NRXN3: variants seen among roughly 807,000 people sequenced by gnomAD.
The protein encoded by NRXN3 is neurexin 3, also known as neurexin III.
A neutral mutation model predicts 137.6 loss-of-function variants in NRXN3; 32 were observed. The ratio of observed to expected loss-of-function variants is 0.23; its 90% CI spans 0.18 to 0.31. The LOEUF (loss-of-function observed/expected upper bound fraction) is 0.31. Among genes scored for constraint, NRXN3 ranks in the 10% least tolerant of loss-of-function variants. NRXN3 has a pLI of 1.00. For synonymous variants in NRXN3, 798 were observed against 784.5 expected, an observed-to-expected ratio of 1.02 and a Z score of -0.29; for missense variants, 1,574 against 2,062.5, an observed-to-expected ratio of 0.76 and a Z score of 4.59.
At chr14:79,630,388 A>G (rs2098332359) in intron 16 of NRXN3, among the ~76,000 whole-genome samples, 1 of 152,226 alleles carries the variant, frequency 6.6e-6, no homozygotes, top group Non-Finnish European at 1.5e-5. Context: ...TTTCAAGCCT[A>G]GTTGAGAAAA....
At chr14:78,680,895 A>G (rs1206200750) in intron 6 of NRXN3, among the ~76,000 whole-genome samples, 1 of 152,206 alleles carries the variant, frequency 6.6e-6, no homozygotes, top group Admixed American at 6.5e-5. Flanking sequence ...TCAGTGGGCT[A>G]TGGATTGGCA....
intron 4 of NRXN3, among the ~76,000 whole-genome samples, chr14:78,302,271 C>G (rs2076948542): frequency 6.6e-6 from 1 of 152,144 alleles, no homozygotes; most frequent in Non-Finnish European, 1.5e-5. Flanking sequence ...TATTTTCTTT[C>G]TCGGAGTCAC....
At chr14:79,217,101 C>G (rs1302213028) in intron 15 of NRXN3, among the ~76,000 whole-genome samples, 1 of 151,546 alleles carries the variant, frequency 6.6e-6, no homozygotes, top group Non-Finnish European at 1.5e-5. Flanking sequence ...CACACCACTG[C>G]ATTCCAGTCT....
intron 8 of NRXN3, among the ~76,000 whole-genome samples, chr14:78,798,680 G>T (rs1324605189): frequency 1.3e-5 from 2 of 152,202 alleles, no homozygotes; most frequent in Non-Finnish European, 2.9e-5. Flanking sequence ...CTCCATGAGG[G>T]CTCTGCCCCT....
rs887443505 is a variant in NRXN3, at chr14:79,867,689, G to A, written c.*5725G>A. On this transcript the variant is annotated 3_prime_UTR_variant, in exon 21 of 21. Coordinates refer to ENST00000335750, the MANE Select transcript of NRXN3 (RefSeq NM_001330195.2). Reference sequence around the variant, plus strand: ...AATGTATAGTAGTGGGAATTGCAAAGGTTGAAGTTCCAAAGTATCAAGGGA... The same window carrying A: ...AATGTATAGTAGTGGGAATTGCAAAAGTTGAAGTTCCAAAGTATCAAGGGA... 1 of 152,084 alleles carries A rather than the reference G, an allele frequency of 6.6e-6. No homozygotes were observed. The highest frequency in any genetic ancestry group is 2.4e-5 in the African/African-American group (1 of 41,388). The allele number at this position is 152,084 out of a possible 1,614,324, so 9.4% of individuals were successfully genotyped here.
At chr14:79,510,353 G>A (rs770903675) in intron 16 of NRXN3, among the ~76,000 whole-genome samples, 1 of 152,190 alleles carries the variant, frequency 6.6e-6, no homozygotes, top group Admixed American at 6.5e-5. Flanking sequence ...ACAGCTAACA[G>A]CAGGGGAATT....
At chr14:78,877,797 T>C (rs966087783) in intron 10 of NRXN3, among the ~76,000 whole-genome samples, 3 of 152,326 alleles carry the variant, frequency 2.0e-5, no homozygotes, top group Non-Finnish European at 4.4e-5. Context: ...CCTTTATTCA[T>C]TCATCCCATT....
intron 16 of NRXN3, among the ~76,000 whole-genome samples, chr14:79,555,040 T>C (rs894449169): frequency 3.3e-5 from 5 of 152,136 alleles, no homozygotes; most frequent in Admixed American, 1.3e-4. Flanking sequence ...TCAGGTCCTA[T>C]TGGCAGTTCT....
At chr14:79,302,040 A>C (rs1030779793) in intron 15 of NRXN3, among the ~76,000 whole-genome samples, 5 of 151,994 alleles carry the variant, frequency 3.3e-5, no homozygotes, top group African/African-American at 9.7e-5. Flanking sequence ...CTGACAATCA[A>C]ACTTTTCAAA....
intron 15 of NRXN3, among the ~76,000 whole-genome samples, chr14:79,222,973 C>A (rs1597448771): frequency 1.3e-5 from 2 of 152,052 alleles, no homozygotes; most frequent in East Asian, 3.9e-4. Flanking sequence ...CTTATCTTTT[C>A]ATTCTCTTGA....
chr14:79,253,810 C>T (rs1179854665), intron 15 of NRXN3, among the ~76,000 whole-genome samples: 1 of 152,188 alleles, frequency 6.6e-6, no homozygotes, highest in African/African-American at 2.4e-5. Context: ...TCACCTCCCA[C>T]CAGATCCCTC....
At chr14:79,096,353 G>T (rs544285607) in intron 15 of NRXN3, among the ~76,000 whole-genome samples, 1 of 151,786 alleles carries the variant, frequency 6.6e-6, no homozygotes, top group Admixed American at 6.6e-5. Flanking sequence ...CAGGCAATCC[G>T]CTCACCTTGG....
chr14:79,296,548 G>T (rs1236067857), intron 15 of NRXN3, among the ~76,000 whole-genome samples: 2 of 152,060 alleles, frequency 1.3e-5, no homozygotes, highest in African/African-American at 2.4e-5. Flanking sequence ...GGAGTTTGGG[G>T]CTCTTTGATG....
At chr14:78,200,360 G>C (rs1487739896) in intron 1 of NRXN3, among the ~76,000 whole-genome samples, 2 of 152,216 alleles carry the variant, frequency 1.3e-5, no homozygotes, top group Non-Finnish European at 2.9e-5. Context: ...CAACTTGGGG[G>C]ATGGGGTTCA....
At chr14:79,678,494 A>G (rs1188463542) in intron 17 of NRXN3, among the ~76,000 whole-genome samples, 2 of 152,182 alleles carry the variant, frequency 1.3e-5, no homozygotes, top group Non-Finnish European at 2.9e-5. Flanking sequence ...TGTGTTTAGT[A>G]TATATCCTCT....
intron 10 of NRXN3, among the ~76,000 whole-genome samples, chr14:78,951,246 TA>T (rs1276896132): frequency 6.6e-6 from 1 of 152,204 alleles, no homozygotes; most frequent in Non-Finnish European, 1.5e-5. Context: ...TGAGATTATA[TA>T]ATCTCCTTAC....
rs77590015 is a variant in NRXN3, at chr14:78,804,453, C to T, written c.2248+630C>T. On this transcript the variant is annotated intron_variant, in intron 9 of 20. Transcript: ENST00000335750. ...TGGAAGGAAAATGTGTCTCCTGATA[C>T]GTATACCCATTTTTCTTCTTGACAT... Among the ~76,000 whole-genome samples, 917 of 152,258 alleles carry T rather than the reference C, an allele frequency of 6.0e-3. 8 individuals carry two copies. The highest frequency in any genetic ancestry group is 0.021 in the African/African-American group (874 of 41,542).
At chr14:78,270,022 A>G (rs1418040504) in intron 2 of NRXN3, among the ~76,000 whole-genome samples, 1 of 152,132 alleles carries the variant, frequency 6.6e-6, no homozygotes, top group Non-Finnish European at 1.5e-5. Flanking sequence ...GTTCTTTATA[A>G]TGCTTACATC....
intron 15 of NRXN3, among the ~76,000 whole-genome samples, chr14:79,212,781 TA>T (rs140863642): frequency 0.031 from 4,632 of 150,560 alleles, 236 homozygotes; most frequent in African/African-American, 0.11. Flanking sequence ...CTCAGAGCCT[TA>T]AAAAAAAATC....
Sources: gnomAD v4.1 joint callset for allele counts (sites outside exome capture counted in the v4.1 genomes callset) on GRCh38, gnomAD v4.1.1 for gene constraint, MANE v1.5 for transcripts, NCBI Gene and HGNC (gene_info 2026-07-23, HGNC 2026-07-21) for gene names.